PCNP: variants seen among roughly 807,000 people sequenced by gnomAD.
PCNP encodes the protein PEST proteolytic signal containing nuclear protein.
A neutral mutation model predicts 21.8 loss-of-function variants in PCNP; 6 were observed. The observed-to-expected ratio is 0.28, with a 90% CI of 0.15 to 0.54. The LOEUF is 0.54. Among genes scored for constraint, PCNP ranks in the 20% least tolerant of loss-of-function variants. The probability of loss-of-function intolerance (pLI) is 0.95; values close to 1 mark genes in which losing one functional copy is unlikely to be tolerated. For synonymous variants in PCNP, 67 were observed against 73.2 expected (o/e 0.92, Z 0.43); for missense variants, 161 against 215.5 (o/e 0.75, Z 1.58).
At chr3:101,592,146 T>C (rs1355210115) in intron 4 of PCNP, among the ~76,000 whole-genome samples, 1 of 151,670 alleles carries the variant, frequency 6.6e-6, no homozygotes, top group Non-Finnish European at 1.5e-5. Context: ...TTTTGTTTTT[T>C]GTTTTTTTGT....
At chr3:101,576,924 C>G (rs1316490122) in intron 1 of PCNP, 1 of 1,576,646 alleles carries the variant, frequency 6.3e-7, no homozygotes, top group African/African-American at 1.3e-5. Flanking sequence ...TATGCTGGAA[C>G]TTTTCAGGGA....
In PCNP at chr3:101,590,271, G is replaced by T; in HGVS notation, c.410+1G>T. The T allele has an allele frequency of 6.8e-7, 1 of 1,470,644 alleles. No individual in the cohort carries two copies. Among genetic ancestry groups the T allele is most frequent in the Non-Finnish European group, 9.5e-7 (1 of 1,053,170 alleles). The allele number at this position is 1,470,644 out of a possible 1,614,324, so 91.1% of individuals were successfully genotyped here. A position where few individuals can be genotyped will look rare whatever the true frequency, so the allele number is the denominator to read the frequency against. ...AGATGAGGATGAAGAATATTGGAAG[G>T]TATTATAATTTTTCATAAATATTAT... On this transcript the variant is annotated splice_donor_variant, in intron 4 of 4. Transcript: ENST00000265260. LOFTEE classifies it high-confidence loss of function.
chr3:101,574,126 AC>A, upstream of PCNP: 1 of 1,502,552 alleles, frequency 6.7e-7, no homozygotes, highest in East Asian at 2.5e-5. Context: ...CTAGGCTGCC[AC>A]CACGCCGGCT....
chr3:101,583,768 C>A (rs908155005), intron 2 of PCNP, among the ~76,000 whole-genome samples: 7 of 151,808 alleles, frequency 4.6e-5, no homozygotes, highest in African/African-American at 1.7e-4. Context: ...CTGCCTCAGC[C>A]TCCTGAGTAG....
chr3:101,591,776 T>G lies in PCNP; in HGVS notation c.411-851T>G, dbSNP rs866739911. Among the ~76,000 whole-genome samples the G allele has an allele frequency of 4.8e-3, 713 of 148,330 alleles. 7 individuals carry two copies. The highest frequency in any genetic ancestry group is 0.017 in the African/African-American group (680 of 40,252). On this transcript the variant is annotated intron_variant, in intron 4 of 4. Transcript: ENST00000265260. ...TGTTTTGATTTTGGTGTTTTTTTTT[T>G]TTTTTTTTTTTTTAAGACAGGATCT... is the stretch of plus-strand genomic sequence containing the variant.
chr3:101,592,933 A>G lies in PCNP; in HGVS notation c.*180A>G, dbSNP rs552978080. On this transcript the variant is annotated 3_prime_UTR_variant, in exon 5 of 5. Transcript: ENST00000265260. Reference sequence around the variant, plus strand: ...AAATTAGAGGTAATTTATGTTTTATATACAGATTTCAAGACATTTGCTAAT... The same window carrying G: ...AAATTAGAGGTAATTTATGTTTTATGTACAGATTTCAAGACATTTGCTAAT... The G allele has an allele frequency of 1.5e-4, 65 of 424,026 alleles. No individual in the cohort carries two copies. The highest frequency in any genetic ancestry group is 2.9e-5 in the Non-Finnish European group (7 of 243,390). The allele number at this position is 424,026 out of a possible 1,614,324, so 26.3% of individuals were successfully genotyped here.
At position 101,579,595 on chromosome 3, in the gene PCNP, C is replaced by T. The variant is rs1342319521; in HGVS notation, c.65-195C>T. 3 of 708,630 alleles carry T rather than the reference C, an allele frequency of 4.2e-6. No homozygotes were observed. In the African/African-American group the frequency reaches 5.3e-5, roughly 12 times the overall value. 43.9% of individuals were successfully genotyped at this position (708,630 alleles called of 1,614,324 possible). On this transcript the variant is annotated intron_variant, in intron 1 of 4. Coordinates refer to ENST00000265260, the MANE Select transcript of PCNP (RefSeq NM_020357.3). ...GCTCTGTATTTTATGCTAGTTAATTCATGGGAGCCTCTTCTACTGCCACAC... is the reference window on the plus strand; with the variant it reads ...GCTCTGTATTTTATGCTAGTTAATTTATGGGAGCCTCTTCTACTGCCACAC...
At position 101,592,845 on chromosome 3, in the gene PCNP, C is replaced by G. The variant is rs535003637; in HGVS notation, c.*92C>G. ...AATGGTATAAGACTATCTTTGGAGC[C>G]GCTTTTTTTTTCTTTTTCATTTTTT... is the stretch of plus-strand genomic sequence containing the variant. On this transcript the variant is annotated 3_prime_UTR_variant, in exon 5 of 5. Transcript: ENST00000265260. The G allele has an allele frequency of 8.8e-7, 1 of 1,132,696 alleles. No individual in the cohort carries two copies. The highest frequency in any genetic ancestry group is 1.2e-6 in the Non-Finnish European group (1 of 841,344). 70.2% of individuals were successfully genotyped at this position (1,132,696 alleles called of 1,614,324 possible). A position where few individuals can be genotyped will look rare whatever the true frequency, so the allele number is the denominator to read the frequency against.
At chr3:101,574,394 C>T (rs1934743278) in intron 1 of PCNP, 115 bp downstream of exon 1, 12 of 1,312,852 alleles carry the variant, frequency 9.1e-6, no homozygotes, top group Non-Finnish European at 1.2e-5. Flanking sequence ...CCTCACCCGG[C>T]CAGGTGTTGG....
In PCNP at chr3:101,590,236, C is replaced by G; in HGVS notation, c.376C>G (p.Pro126Ala). Residue 126 changes from proline to alanine, a missense_variant, in exon 4 of 5, where the codon CCA becomes GCA. Physicochemically the swap from Pro to Ala is conservative, Grantham distance 27 (BLOSUM62 -1). Around this residue, in one of 4 missense-constraint regions of PCNP, gnomAD observed 66 missense variants for 127.8 expected, o/e 0.52. Transcript: ENST00000265260. ...DEDSEPEEMPPEAKMRMKNIG... is the reference protein window; with the variant it reads ...DEDSEPEEMPAEAKMRMKNIG... ...TTAGAGTGAACCAGAGGAAATGCCT[C>G]CAGAAGCAAAGATGAGGATGAAGAA... 1 of 1,569,644 alleles carries G rather than the reference C, an allele frequency of 6.4e-7. No individual in the cohort carries two copies. Among genetic ancestry groups the G allele is most frequent in the Non-Finnish European group, 8.8e-7 (1 of 1,140,664 alleles).
chr3:101,583,784 A>T (rs1352963763), intron 2 of PCNP, among the ~76,000 whole-genome samples: 2 of 147,818 alleles, frequency 1.4e-5, no homozygotes, highest in Admixed American at 1.3e-4. Flanking sequence ...AGTAGCTGAG[A>T]TTACAGGTGT....
intron 2 of PCNP, among the ~76,000 whole-genome samples, chr3:101,580,897 A>G (rs1576610084): frequency 6.6e-6 from 1 of 152,218 alleles, no homozygotes; most frequent in South Asian, 2.1e-4. Flanking sequence ...AAATGGTTAC[A>G]TTCTTGTGTG....
At chr3:101,576,962 C>T (rs1285698142) in intron 1 of PCNP, 21 of 1,272,512 alleles carry the variant, frequency 1.7e-5, no homozygotes, top group Admixed American at 1.2e-4. Flanking sequence ...GCAGCACAAG[C>T]GGCGGCGTGT....
chr3:101,574,396 A>T, intron 1 of PCNP, 117 bp downstream of exon 1: 1 of 1,303,828 alleles, frequency 7.7e-7, no homozygotes, highest in Admixed American at 2.6e-5. Flanking sequence ...TCACCCGGCC[A>T]GGTGTTGGGC....
intron 3 of PCNP, among the ~76,000 whole-genome samples, chr3:101,588,645 C>T (rs1370806610): frequency 1.3e-5 from 2 of 152,074 alleles, no homozygotes; most frequent in African/African-American, 4.8e-5. Flanking sequence ...GTGTAGTCTC[C>T]TTTAATTTGG....
chr3:101,585,551 T>C, intron 3 of PCNP, 40 bp downstream of exon 3: 1 of 1,334,392 alleles, frequency 7.5e-7, no homozygotes, highest in Admixed American at 1.8e-5. Context: ...CTTTAACCAG[T>C]TATTTAAGGA....
intron 1 of PCNP, chr3:101,576,713 T>G: frequency 6.2e-7 from 1 of 1,612,242 alleles, no homozygotes; most frequent in Non-Finnish European, 8.5e-7. Flanking sequence ...CAGTCTGGGA[T>G]CTTGTACTGG....
intron 2 of PCNP, among the ~76,000 whole-genome samples, chr3:101,583,432 T>G (rs192416509): frequency 0.015 from 2,241 of 152,168 alleles, 51 homozygotes; most frequent in African/African-American, 0.051. Context: ...CCAGCCTTGG[T>G]GACAGAGCAA....
rs1484616243 is a variant in PCNP, at chr3:101,592,741, C to T, written c.525C>T (p.Asp175=). The T allele has an allele frequency of 6.2e-7, 1 of 1,611,920 alleles. No individual in the cohort carries two copies. The highest frequency in any genetic ancestry group is 1.1e-5 in the South Asian group (1 of 90,696). Residue 175 remains aspartate, a synonymous_variant, in exon 5 of 5, where the codon GAC becomes GAT. Coordinates refer to ENST00000265260, the MANE Select transcript of PCNP (RefSeq NM_020357.3). ...AATCTCATCTTGGAAATGTCCATGA[C>T]CAAGACAATTAAATGATGTTTTGAA... is the stretch of plus-strand genomic sequence containing the variant. The part of the protein sequence containing the change: ...NIKSHLGNVH[D]QDN
Sources: allele counts gnomAD v4.1 joint callset (sites outside exome capture counted in the v4.1 genomes callset), GRCh38; gene constraint gnomAD v4.1.1; regional missense constraint gnomAD v4.1.1; transcripts MANE v1.5; gene names NCBI Gene and HGNC (gene_info 2026-07-23, HGNC 2026-07-21).